Variants in FMN1 observed in about 807,000 individuals in gnomAD.
The protein encoded by FMN1 is formin 1, also known as formin-1.
Under a neutral mutation model 132.4 loss-of-function variants are expected in FMN1, and 110 were observed. That is an observed-to-expected ratio of 0.83 (90% CI 0.71 to 0.97). FMN1 has a LOEUF of 0.97. FMN1 is among the 50% of genes least tolerant of loss of function. The pLI, the probability that FMN1 is intolerant of heterozygous loss-of-function variation, is 0.00. For missense variants in FMN1, 1,792 were observed against 1,705.3 expected (o/e 1.05, Z -0.90); for synonymous variants, 722 against 651.7 (o/e 1.11, Z -1.64).
Position 33,111,545 on chromosome 15 carries a change from C to T in FMN1, c.1868-22571G>A, listed in dbSNP as rs1409395221. Among the ~76,000 whole-genome samples the T allele has an allele frequency of 3.9e-5, 6 of 152,156 alleles. No homozygotes were observed. The South Asian group carries it at 8.3e-4, about 21-fold the overall frequency. On this transcript the variant is annotated intron_variant, in intron 4 of 20. Transcript: ENST00000616417. ...TTGTACACAAATGTTCGTAGCATTA[C>T]GCATAATAGCCAAAAGGTGGAAATA...
chr15:32,933,298 T>C (rs143375492), intron 9 of FMN1, among the ~76,000 whole-genome samples: 77 of 152,326 alleles, frequency 5.1e-4, no homozygotes, highest in African/African-American at 1.8e-3. Flanking sequence ...GTTTTCTTCC[T>C]GCTATTATTT....
intron 9 of FMN1, 112 bp downstream of exon 9, chr15:32,963,992 GTAT>G: frequency 2.3e-6 from 1 of 435,552 alleles, no homozygotes. Flanking sequence ...ATATGTATAG[GTAT>G]GTGTGTGTGT....
At chr15:33,131,396 ATTGACTT>A (rs2140227535) in intron 4 of FMN1, among the ~76,000 whole-genome samples, 1 of 149,492 alleles carries the variant, frequency 6.7e-6, no homozygotes, top group South Asian at 2.1e-4. Flanking sequence ...TATTATTTTT[ATTGACTT>A]TTATGGCTCT....
rs771176022 is a variant in FMN1, at chr15:32,994,212, C to CCTCTCTCTCTCTCT, written c.2223+13788_2223+13801dup. Among the ~76,000 whole-genome samples, 471 of 146,476 alleles carry CCTCTCTCTCTCTCT rather than the reference C, an allele frequency of 3.2e-3. 3 individuals are homozygous for CCTCTCTCTCTCTCT. The highest frequency in any genetic ancestry group is 8.9e-3 in the African/African-American group (353 of 39,784). The stretch of plus-strand genomic sequence containing the variant: ...AATAAATTGTTGAATAGAACTCATT[C>CCTCTCTCTCTCTCT]CTCTCTCTCTCTCTCTCTCTCACAC... On this transcript the variant is annotated intron_variant, in intron 7 of 20. Transcript: ENST00000616417.
chr15:33,158,758 AG>A (rs1287200443), intron 3 of FMN1, among the ~76,000 whole-genome samples: 2 of 152,252 alleles, frequency 1.3e-5, no homozygotes, highest in African/African-American at 4.8e-5. Context: ...TCAGAAGTAA[AG>A]TAGAGAGTAG....
intron 2 of FMN1, among the ~76,000 whole-genome samples, chr15:33,189,068 G>A (rs938287146): frequency 1.3e-5 from 2 of 151,992 alleles, no homozygotes; most frequent in Non-Finnish European, 2.9e-5. Flanking sequence ...TTCAAATATC[G>A]TGAAAATTAG....
chr15:33,164,463 G>A (rs1965017649), intron 3 of FMN1, among the ~76,000 whole-genome samples: 2 of 152,124 alleles, frequency 1.3e-5, no homozygotes, highest in South Asian at 4.1e-4. Flanking sequence ...GAAAAAAAGG[G>A]CTCCTTTTTG....
intron 7 of FMN1, among the ~76,000 whole-genome samples, chr15:32,971,518 C>A (rs2031791380): frequency 6.6e-6 from 1 of 152,188 alleles, no homozygotes; most frequent in Non-Finnish European, 1.5e-5. Flanking sequence ...TCATTTCTCT[C>A]TCTCTTTCCT....
intron 15 of FMN1, among the ~76,000 whole-genome samples, chr15:32,897,784 T>G (rs1332690662): frequency 6.6e-6 from 1 of 150,562 alleles, no homozygotes; most frequent in South Asian, 2.1e-4. Flanking sequence ...AGTGAAATTC[T>G]CCAAGTGAGT....
At chr15:32,972,660 G>A (rs753249319) in intron 7 of FMN1, among the ~76,000 whole-genome samples, 2 of 152,110 alleles carry the variant, frequency 1.3e-5, no homozygotes, top group Non-Finnish European at 2.9e-5. Flanking sequence ...TCATCCTTAA[G>A]TGTGGTTCTC....
intron 6 of FMN1, among the ~76,000 whole-genome samples, chr15:33,021,447 A>G (rs2035411312): frequency 6.6e-6 from 1 of 150,960 alleles, no homozygotes; most frequent in African/African-American, 2.4e-5. Context: ...CTCTATGCAT[A>G]CACACACACA....
rs1643711028 is a variant in FMN1 at position 32,969,556 on chromosome 15, A to G, written c.2224-79T>C. On this transcript the variant is annotated intron_variant, in intron 7 of 20. Transcript: ENST00000616417. ...AAGAATTTAGAAACTCAATAATACCATCATGGTGCCACTGTAGCATGGCCC... is the reference window on the plus strand; with the variant it reads ...AAGAATTTAGAAACTCAATAATACCGTCATGGTGCCACTGTAGCATGGCCC... 8.9e-6 allele frequency: 13 copies of G among 1,465,292 alleles called. 1 individual carries two copies. The South Asian group carries it at 1.6e-4, about 18-fold the overall frequency. The allele number at this position is 1,465,292 out of a possible 1,614,324, so 90.8% of individuals were successfully genotyped here. A position where few individuals can be genotyped will look rare whatever the true frequency, so the allele number is the denominator to read the frequency against.
intron 4 of FMN1, among the ~76,000 whole-genome samples, chr15:33,126,961 G>A (rs571206305): frequency 1.3e-5 from 2 of 152,348 alleles, no homozygotes; most frequent in East Asian, 1.9e-4. Context: ...AACTGTGGTT[G>A]GCTGACTCTG....
chr15:33,084,603 CAG>C (rs1294465534), intron 5 of FMN1, among the ~76,000 whole-genome samples: 1 of 152,100 alleles, frequency 6.6e-6, no homozygotes, highest in African/African-American at 2.4e-5. Flanking sequence ...CTCAGAATGT[CAG>C]AAGTGTTGTG....
chr15:33,027,574 G>A (rs555319053), intron 6 of FMN1, among the ~76,000 whole-genome samples: 33 of 141,746 alleles, frequency 2.3e-4, no homozygotes, highest in Admixed American at 7.5e-5. Context: ...TCAGTTTAAC[G>A]TGCCCTTTTC....
intron 4 of FMN1, among the ~76,000 whole-genome samples, chr15:33,128,515 A>C (rs1348797952): frequency 6.6e-6 from 1 of 152,240 alleles, no homozygotes; most frequent in Non-Finnish European, 1.5e-5. Flanking sequence ...TTACACTGAG[A>C]ATGAAACAGC....
At chr15:33,063,499 T>G (rs1468705204) in intron 6 of FMN1, 4 of 152,228 alleles carry the variant, frequency 2.6e-5, no homozygotes, top group Non-Finnish European at 4.4e-5. Flanking sequence ...GCTCTCTTAC[T>G]GCTTTTTCTA....
intron 17 of FMN1, among the ~76,000 whole-genome samples, chr15:32,827,736 C>T (rs1220186919): frequency 2.0e-5 from 3 of 151,604 alleles, no homozygotes; most frequent in Non-Finnish European, 4.4e-5. Flanking sequence ...CCCAGCTACT[C>T]GGGAGGCTGA....
intron 17 of FMN1, among the ~76,000 whole-genome samples, chr15:32,810,615 T>G (rs1246426301): frequency 6.6e-6 from 1 of 152,212 alleles, no homozygotes; most frequent in Admixed American, 6.5e-5. Flanking sequence ...ACCATTTAAA[T>G]GTACCCAAAT....
Sources: allele counts gnomAD v4.1 joint callset (sites outside exome capture counted in the v4.1 genomes callset), GRCh38; gene constraint gnomAD v4.1.1; transcripts MANE v1.5; gene names NCBI Gene and HGNC (gene_info 2026-07-23, HGNC 2026-07-21).